The following CAMSAP1 variants were observed in gnomAD, a reference collection of about 807,000 sequenced individuals.
The protein encoded by CAMSAP1 is calmodulin regulated spectrin associated protein 1.
A neutral mutation model predicts 143.5 loss-of-function variants in CAMSAP1; 58 were observed. The observed-to-expected ratio is 0.40, with a 90% CI of 0.33 to 0.50. The LOEUF (loss-of-function observed/expected upper bound fraction) is 0.50, where lower values mean the gene tolerates loss of function less well. CAMSAP1 is among the 20% of genes least tolerant of loss of function. The probability of loss-of-function intolerance (pLI) is 0.45; values close to 1 mark genes in which losing one functional copy is unlikely to be tolerated. For synonymous variants in CAMSAP1, 945 were observed against 859.3 expected (o/e 1.10, Z -1.74); for missense variants, 1,969 against 2,115.7 (o/e 0.93, Z 1.36).
At position 135,888,335 on chromosome 9, in the gene CAMSAP1, G is replaced by A. The variant is rs554580937; in HGVS notation, c.161-5257C>T. Among the ~76,000 whole-genome samples, 7 of 152,300 alleles carry A rather than the reference G, an allele frequency of 4.6e-5. No homozygotes were observed. The East Asian group carries it at 1.2e-3, about 25-fold the overall frequency. On this transcript the variant is annotated intron_variant, in intron 1 of 16. Coordinates refer to ENST00000389532, the MANE Select transcript of CAMSAP1 (RefSeq NM_015447.4). ...CATCTGTCGACTGCAGCCCTCCCGC[G>A]GCACCTGCACGGGGCTCGGGAGGAG...
rs755180729 is a variant in CAMSAP1 at position 135,811,184 on chromosome 9, T to C, written c.*125A>G. The C allele has an allele frequency of 3.5e-6, 4 of 1,143,798 alleles. No homozygotes were observed. In the East Asian group the frequency reaches 1.0e-4, roughly 29 times the overall value. The allele number at this position is 1,143,798 out of a possible 1,614,324, so 70.9% of individuals were successfully genotyped here. On this transcript the variant is annotated 3_prime_UTR_variant, in exon 17 of 17. Coordinates refer to ENST00000389532, the MANE Select transcript of CAMSAP1 (RefSeq NM_015447.4). The surrounding 1 kb of genome is among the most constrained non-coding windows in gnomAD (Gnocchi z 4.9). ...ACCTCTTTGCAAAAGGTCTGTGACT[T>C]TGCACACTTCGTACCCAAATAGATG...
chr9:135,846,756 T>C (rs1453361676), intron 7 of CAMSAP1, among the ~76,000 whole-genome samples: 1 of 143,908 alleles, frequency 6.9e-6, no homozygotes, highest in East Asian at 2.0e-4. Context: ...AGAAGACATA[T>C]ATGCGGCCGA....
chr9:135,831,559 C>T (rs1199293667), intron 7 of CAMSAP1, among the ~76,000 whole-genome samples: 3 of 151,030 alleles, frequency 2.0e-5, no homozygotes, highest in African/African-American at 7.3e-5. Context: ...AACCTAACTT[C>T]ACACCTCAAA....
At chr9:135,894,394 G>A (rs1455357225) in intron 1 of CAMSAP1, among the ~76,000 whole-genome samples, 3 of 152,186 alleles carry the variant, frequency 2.0e-5, no homozygotes, top group African/African-American at 4.8e-5. Context: ...CACACTCCAC[G>A]CACCTGACGG....
chr9:135,822,562 A>G lies in CAMSAP1; in HGVS notation c.2099T>C (p.Phe700Ser), dbSNP rs764771809. The stretch of plus-strand genomic sequence containing the variant: ...ATCGGCCCTGCCTACATGAAGGAAG[A>G]AGCCATCCGTGGATGGTCCCTGGGG... The part of the protein sequence containing the change: ...PFPQGPSTDG[F>S]FLHVGRADED... The change falls in exon 11 of 17, where the codon TTC becomes TCC. Residue 700 changes from phenylalanine (F) to serine (S), a missense_variant. Around this residue, in one of 4 missense-constraint regions of CAMSAP1, gnomAD observed 1,390 missense variants for 1,420.8 expected, o/e 0.98. Coordinates refer to ENST00000389532, the MANE Select transcript of CAMSAP1 (RefSeq NM_015447.4). The surrounding 1 kb of genome is among the most constrained non-coding windows in gnomAD (Gnocchi z 6.1). The G allele has an allele frequency of 1.2e-6, 2 of 1,613,650 alleles. No individual in the cohort carries two copies. Among genetic ancestry groups the G allele is most frequent in the Non-Finnish European group, 1.7e-6 (2 of 1,179,856 alleles).
At chr9:135,890,414 T>C (rs571897241) in intron 1 of CAMSAP1, among the ~76,000 whole-genome samples, 2 of 152,096 alleles carry the variant, frequency 1.3e-5, no homozygotes, top group Non-Finnish European at 2.9e-5. Context: ...AACCCGTCCC[T>C]CTTCCTGGAC....
intron 1 of CAMSAP1, among the ~76,000 whole-genome samples, chr9:135,887,815 C>CT (rs1181349371): frequency 6.9e-6 from 1 of 145,386 alleles, no homozygotes; most frequent in Admixed American, 6.7e-5. Context: ...CCCATGGAGA[C>CT]TGGAGACAAG....
intron 7 of CAMSAP1, chr9:135,836,517 C>A (rs1836047865): frequency 1.0e-6 from 1 of 983,732 alleles, no homozygotes; most frequent in Non-Finnish European, 1.2e-6. Flanking sequence ...CACTTTCCAC[C>A]CATTCCGCAG....
At chr9:135,865,229 A>T in intron 4 of CAMSAP1, 1 of 1,156,600 alleles carries the variant, frequency 8.6e-7, no homozygotes, top group Non-Finnish European at 1.3e-6. Flanking sequence ...TTAAACAACA[A>T]CAACAAAAAA....
At chr9:135,813,081 T>A (rs1209716544) in intron 16 of CAMSAP1, among the ~76,000 whole-genome samples, 1 of 152,234 alleles carries the variant, frequency 6.6e-6, no homozygotes, top group Non-Finnish European at 1.5e-5. Context: ...AAACAAACCC[T>A]CCACACGCCT....
Position 135,818,677 on chromosome 9 carries a change from C to A in CAMSAP1, c.3960-61G>T. The A allele has an allele frequency of 6.4e-7, 1 of 1,557,474 alleles. No homozygotes were observed. The highest frequency in any genetic ancestry group is 8.7e-7 in the Non-Finnish European group (1 of 1,146,954). On this transcript the variant is annotated intron_variant, in intron 12 of 16. Transcript: ENST00000389532. The surrounding 1 kb of genome is among the most constrained non-coding windows in gnomAD (Gnocchi z 7.7). ...CGGGGCTTCTTCCACGACGCCTGCGCCGCGGCGCTCTGTCCAGGCGCGTTT... is the reference window on the plus strand; with the variant it reads ...CGGGGCTTCTTCCACGACGCCTGCGACGCGGCGCTCTGTCCAGGCGCGTTT...
At position 135,817,313 on chromosome 9, in the gene CAMSAP1, C is replaced by T. The variant is rs144592472; in HGVS notation, c.4271+664G>A. ...AACTGGTAACACGAGAAAACATTCT[C>T]GTTCTAGGAAATACACACTTAAGTA... On this transcript the variant is annotated intron_variant, in intron 14 of 16. Coordinates refer to ENST00000389532, the MANE Select transcript of CAMSAP1 (RefSeq NM_015447.4). 7.9e-3 allele frequency among the ~76,000 whole-genome samples: 1,201 copies of T among 152,268 alleles called. 5 individuals carry two copies. Among genetic ancestry groups the T allele is most frequent in the Non-Finnish European group, 0.011 (716 of 68,010 alleles).
chr9:135,847,540 T>A (rs1446216107), intron 7 of CAMSAP1, among the ~76,000 whole-genome samples: 1 of 148,522 alleles, frequency 6.7e-6, no homozygotes, highest in Non-Finnish European at 1.5e-5. Context: ...AAAGGATGAG[T>A]TCATATCCTT....
At chr9:135,878,098 A>G (rs1239763961) in intron 3 of CAMSAP1, among the ~76,000 whole-genome samples, 1 of 152,204 alleles carries the variant, frequency 6.6e-6, no homozygotes, top group Non-Finnish European at 1.5e-5. Context: ...CCCCTTCAGA[A>G]GCTGTCTCAG....
At chr9:135,891,402 A>AT (rs1838286684) in intron 1 of CAMSAP1, among the ~76,000 whole-genome samples, 2 of 152,234 alleles carry the variant, frequency 1.3e-5, no homozygotes. Flanking sequence ...AGAGACGTGT[A>AT]TGAGCCTGCA....
At chr9:135,887,799 C>T (rs148626588) in intron 1 of CAMSAP1, among the ~76,000 whole-genome samples, 1 of 150,322 alleles carries the variant, frequency 6.7e-6, no homozygotes, top group African/African-American at 2.5e-5. Flanking sequence ...ACGGGCAGGG[C>T]AGGGGCCCAT....
chr9:135,832,005 T>C (rs960847575), intron 7 of CAMSAP1, among the ~76,000 whole-genome samples: 1 of 152,140 alleles, frequency 6.6e-6, no homozygotes, highest in African/African-American at 2.4e-5. Context: ...CACTACTGAA[T>C]TCTACCAATT....
At chr9:135,906,809 T>C (rs1304622338) in intron 1 of CAMSAP1, among the ~76,000 whole-genome samples, 191 bp downstream of exon 1, 2 of 151,778 alleles carry the variant, frequency 1.3e-5, no homozygotes, top group African/African-American at 4.8e-5. Flanking sequence ...ACTCGCCAGG[T>C]GACCGCGTCC....
At chr9:135,903,107 G>C (rs1475375171) in intron 1 of CAMSAP1, among the ~76,000 whole-genome samples, 1 of 150,920 alleles carries the variant, frequency 6.6e-6, no homozygotes, top group Non-Finnish European at 1.5e-5. Flanking sequence ...TTTCCTAAGG[G>C]CATGTACAAA....
Sources: gnomAD v4.1 joint callset for allele counts (sites outside exome capture counted in the v4.1 genomes callset) on GRCh38, gnomAD v4.1.1 for gene constraint, gnomAD v4.1.1 regional missense constraint, Gnocchi (gnomAD v3.1) non-coding constraint, MANE v1.5 for transcripts, NCBI Gene and HGNC (gene_info 2026-07-23, HGNC 2026-07-21) for gene names.